Variants in VWC2 observed in about 807,000 individuals in gnomAD.
VWC2 encodes von Willebrand factor C domain containing 2, also known as brorin.
A neutral mutation model predicts 29.8 loss-of-function variants in VWC2; 14 were observed. That is an observed-to-expected ratio of 0.47 (90% CI 0.31 to 0.74). The LOEUF is 0.74. VWC2 is among the 30% of genes least tolerant of loss of function. VWC2 has a pLI of 0.05. For synonymous variants in VWC2, 213 were observed against 199.0 expected, an observed-to-expected ratio of 1.07 and a Z score of -0.59; for missense variants, 457 against 459.8, an observed-to-expected ratio of 0.99 and a Z score of 0.05.
chr7:49,821,838 T>C (rs1789267700), intron 3 of VWC2, among the ~76,000 whole-genome samples: 1 of 152,206 alleles, frequency 6.6e-6, no homozygotes, highest in Admixed American at 6.5e-5. Flanking sequence ...ATGATTTAAC[T>C]TAAGAAACCA....
At chr7:49,877,593 C>T (rs570175432) in intron 3 of VWC2, among the ~76,000 whole-genome samples, 1 of 137,340 alleles carries the variant, frequency 7.3e-6, no homozygotes, top group East Asian at 2.2e-4. Context: ...GACTGAAGTC[C>T]AGACTCATGG....
intron 3 of VWC2, among the ~76,000 whole-genome samples, chr7:49,819,000 C>T (rs1789209512): frequency 6.6e-6 from 1 of 152,058 alleles, no homozygotes. Context: ...TCACACATGT[C>T]CCAAAACCCA....
chr7:49,781,865 G>A (rs192057578), intron 2 of VWC2, among the ~76,000 whole-genome samples: 24 of 152,256 alleles, frequency 1.6e-4, no homozygotes, highest in African/African-American at 4.6e-4. Flanking sequence ...GTCTTGAGTC[G>A]TAATGGGACT....
chr7:49,858,407 G>C (rs1287825015), intron 3 of VWC2, among the ~76,000 whole-genome samples: 2 of 152,068 alleles, frequency 1.3e-5, no homozygotes, highest in African/African-American at 4.8e-5. Context: ...CCTTTGTAGG[G>C]ACATGGATGA....
chr7:49,887,430 A>G (rs1297682975), intron 3 of VWC2, among the ~76,000 whole-genome samples: 1 of 152,238 alleles, frequency 6.6e-6, no homozygotes, highest in Non-Finnish European at 1.5e-5. Flanking sequence ...CTGATTTTAA[A>G]TGTGGTTATA....
intron 2 of VWC2, among the ~76,000 whole-genome samples, chr7:49,789,914 G>A (rs1717306191): frequency 6.6e-6 from 1 of 152,230 alleles, no homozygotes; most frequent in African/African-American, 2.4e-5. Flanking sequence ...GTGCTCCGGG[G>A]GGCCCTACGG....
chr7:49,871,790 TG>T (rs1314972281), intron 3 of VWC2, among the ~76,000 whole-genome samples: 3 of 151,996 alleles, frequency 2.0e-5, no homozygotes, highest in Non-Finnish European at 4.4e-5. Context: ...GCATGCATTT[TG>T]TAATTACATT....
At chr7:49,847,364 T>G (rs1402431430) in intron 3 of VWC2, among the ~76,000 whole-genome samples, 1 of 152,098 alleles carries the variant, frequency 6.6e-6, no homozygotes, top group Admixed American at 6.6e-5. Context: ...GTGTTATCTG[T>G]GCTGTAGAAT....
chr7:49,819,671 A>G (rs1343850437), intron 3 of VWC2, among the ~76,000 whole-genome samples: 5 of 152,220 alleles, frequency 3.3e-5, no homozygotes, highest in African/African-American at 1.2e-4. Context: ...TTTGAATTCC[A>G]GCTGATAACA....
chr7:49,873,654 T>C (rs1007394162), intron 3 of VWC2, among the ~76,000 whole-genome samples: 6 of 152,204 alleles, frequency 3.9e-5, no homozygotes. Context: ...AGCCAGGCAT[T>C]ATGCAGTAAT....
chr7:49,875,137 C>T lies in VWC2; in HGVS notation c.827-36897C>T, dbSNP rs1030416592. ...CTGTAATCCCAGCACTTTGGGAGGC[C>T]GAGGCAGGCAGATCACAAGGTCAGG... On this transcript the variant is annotated intron_variant, in intron 3 of 3. Transcript: ENST00000340652. Among the ~76,000 whole-genome samples the T allele has an allele frequency of 2.7e-5, 4 of 150,878 alleles. No individual in the cohort carries two copies. In the South Asian group the frequency reaches 8.3e-4, roughly 31 times the overall value.
intron 3 of VWC2, among the ~76,000 whole-genome samples, chr7:49,810,499 C>T (rs191006483): frequency 6.8e-4 from 103 of 152,200 alleles, no homozygotes; most frequent in Non-Finnish European, 1.3e-3. Flanking sequence ...CTACACAAAT[C>T]CCAGCATACG....
rs183015445 is a variant in VWC2, at chr7:49,845,267, T to C, written c.826+42427T>C. On this transcript the variant is annotated intron_variant, in intron 3 of 3. Coordinates refer to ENST00000340652, the MANE Select transcript of VWC2 (RefSeq NM_198570.5). ...GTAACAAACCTGCATACACTGCACA[T>C]GTACCCTGGAACTTAAAAGTCGAAG... 3.1e-3 allele frequency among the ~76,000 whole-genome samples: 474 copies of C among 151,570 alleles called. 2 individuals are homozygous for C. Among genetic ancestry groups the C allele is most frequent in the African/African-American group, 0.01 (430 of 41,120 alleles).
intron 3 of VWC2, among the ~76,000 whole-genome samples, chr7:49,903,613 C>T (rs1792900246): frequency 6.6e-6 from 1 of 152,142 alleles, no homozygotes; most frequent in African/African-American, 2.4e-5. Context: ...TGCAGTGTGA[C>T]TATATAGGGT....
intron 2 of VWC2, among the ~76,000 whole-genome samples, chr7:49,787,429 A>G (rs1788323339): frequency 1.3e-5 from 2 of 152,200 alleles, no homozygotes; most frequent in South Asian, 4.1e-4. Flanking sequence ...CAAGTAAGTC[A>G]CTATTCTTAT....
intron 3 of VWC2, among the ~76,000 whole-genome samples, chr7:49,901,871 A>AACACTGTTTGCTAACACTGTTAGCTC: frequency 6.8e-6 from 1 of 147,652 alleles, no homozygotes; most frequent in African/African-American, 2.5e-5. Context: ...GATAAATATG[A>AACACTGTTTGCTAACACTGTTAGCTC]ACACTGTTTG....
intron 2 of VWC2, among the ~76,000 whole-genome samples, chr7:49,779,632 T>C (rs1788131529): frequency 6.6e-6 from 1 of 152,194 alleles, no homozygotes; most frequent in Non-Finnish European, 1.5e-5. Context: ...GTTTTCTGCT[T>C]CCTACAGTAC....
Position 49,912,912 on chromosome 7 carries a change from T to C in VWC2, c.*727T>C, listed in dbSNP as rs1793533887. On this transcript the variant is annotated 3_prime_UTR_variant, in exon 4 of 4. Coordinates refer to ENST00000340652, the MANE Select transcript of VWC2 (RefSeq NM_198570.5). ...CATTCTTATTTACATTATTTTCTCTTCTAAGGATAACTTTAATTCATTCCC... is the reference window on the plus strand; with the variant it reads ...CATTCTTATTTACATTATTTTCTCTCCTAAGGATAACTTTAATTCATTCCC... 6.6e-6 allele frequency: 1 copy of C among 152,152 alleles called. No homozygotes were observed. The highest frequency in any genetic ancestry group is 1.5e-5 in the Non-Finnish European group (1 of 68,024). The allele number at this position is 152,152 out of a possible 1,614,324, so 9.4% of individuals were successfully genotyped here. A position where few individuals can be genotyped will look rare whatever the true frequency, so the allele number is the denominator to read the frequency against.
chr7:49,889,323 T>C (rs17664027), intron 3 of VWC2, among the ~76,000 whole-genome samples: 28,871 of 152,292 alleles, frequency 0.19, 3,840 homozygotes, highest in East Asian at 0.64. Flanking sequence ...CGGCATGTCA[T>C]AGTAACCAGT....
Sources: allele counts gnomAD v4.1 joint callset (sites outside exome capture counted in the v4.1 genomes callset), GRCh38; gene constraint gnomAD v4.1.1; transcripts MANE v1.5; gene names NCBI Gene and HGNC (gene_info 2026-07-23, HGNC 2026-07-21).